The following NPAS3 variants were observed in gnomAD, a reference collection of about 807,000 sequenced individuals.
NPAS3 encodes neuronal PAS domain protein 3.
A neutral mutation model predicts 73.1 loss-of-function variants in NPAS3; 14 were observed. That is an observed-to-expected ratio of 0.19 (90% CI 0.13 to 0.30). The LOEUF is 0.30. Among genes scored for constraint, NPAS3 ranks in the 10% least tolerant of loss-of-function variants. The pLI is 1.00. For synonymous variants in NPAS3, 620 were observed against 541.5 expected, an observed-to-expected ratio of 1.14 and a Z score of -2.01; for missense variants, 1,096 against 1,250.0, an observed-to-expected ratio of 0.88 and a Z score of 1.86.
chr14:33,801,215 T>C (rs149071153), downstream of NPAS3: 136 of 1,495,722 alleles, frequency 9.1e-5, no homozygotes, highest in African/African-American at 1.8e-3. Context: ...CAGGTCAGCG[T>C]CTTCTCTCGC....
At chr14:33,215,306 G>A (rs868559905) in exon 3 of NPAS3, 7 of 1,566,966 alleles carry the variant, frequency 4.5e-6, no homozygotes, top group Non-Finnish European at 5.3e-6. Context: ...CAGCCAGCTC[G>A]ACAAGGCATC....
intron 6 of NPAS3, among the ~76,000 whole-genome samples, chr14:33,727,041 C>G (rs1200862754): frequency 6.6e-6 from 1 of 152,112 alleles, no homozygotes; most frequent in Non-Finnish European, 1.5e-5. Flanking sequence ...AGGCAGAATG[C>G]ATGTGTGTGT....
intron 4 of NPAS3, among the ~76,000 whole-genome samples, chr14:33,451,685 A>G (rs897983287): frequency 6.6e-6 from 1 of 152,142 alleles, no homozygotes. Context: ...ATGGATTTAC[A>G]AGCACTGTAA....
chr14:33,267,095 G>GCTTTTAAAAAT (rs2040853284), intron 3 of NPAS3, among the ~76,000 whole-genome samples: 1 of 152,106 alleles, frequency 6.6e-6, no homozygotes, highest in South Asian at 2.1e-4. Context: ...TTGCCCAAAG[G>GCTTTTAAAAAT]CTTTTAAAAA....
chr14:33,083,722 G>A (rs2041935572), intron 2 of NPAS3, among the ~76,000 whole-genome samples: 2 of 152,194 alleles, frequency 1.3e-5, no homozygotes, highest in Admixed American at 6.5e-5. Flanking sequence ...AGGGTATCCA[G>A]TTTTACTCTA....
chr14:33,242,992 TA>T (rs1443006544), intron 3 of NPAS3, among the ~76,000 whole-genome samples: 1 of 152,152 alleles, frequency 6.6e-6, no homozygotes, highest in Non-Finnish European at 1.5e-5. Context: ...ACATTTTTAT[TA>T]AAATTCTGGC....
intron 3 of NPAS3, among the ~76,000 whole-genome samples, chr14:33,327,980 C>A (rs927446276): frequency 6.6e-6 from 1 of 152,134 alleles, no homozygotes. Flanking sequence ...ATTGTAAAAC[C>A]ATCTCTGGGA....
At chr14:33,462,780 C>T (rs1017811355) in intron 4 of NPAS3, among the ~76,000 whole-genome samples, 2 of 152,178 alleles carry the variant, frequency 1.3e-5, no homozygotes, top group African/African-American at 4.8e-5. Flanking sequence ...CCTAGCTCTA[C>T]ACACCACCAG....
intron 3 of NPAS3, among the ~76,000 whole-genome samples, chr14:33,233,775 A>G (rs1007789133): frequency 6.6e-6 from 1 of 152,112 alleles, no homozygotes; most frequent in African/African-American, 2.4e-5. Context: ...CAGTATTCGT[A>G]CTTGAGGAGT....
chr14:33,525,148 G>A (rs1300509391), intron 4 of NPAS3, among the ~76,000 whole-genome samples: 1 of 152,050 alleles, frequency 6.6e-6, no homozygotes, highest in African/African-American at 2.4e-5. Flanking sequence ...TCTAAAAAAG[G>A]GGATAAGTAT....
intron 5 of NPAS3, among the ~76,000 whole-genome samples, chr14:33,670,624 C>CA (rs755412371): frequency 0.14 from 19,384 of 134,614 alleles, 1,498 homozygotes; most frequent in East Asian, 0.39. Flanking sequence ...GACCCCCCCT[C>CA]AAAAAAAAAA....
chr14:33,557,310 C>T (rs986731765), intron 4 of NPAS3, among the ~76,000 whole-genome samples: 7 of 152,114 alleles, frequency 4.6e-5, no homozygotes, highest in African/African-American at 7.2e-5. Context: ...GGAAATATTT[C>T]GCAGCAAAGG....
chr14:33,427,829 T>C (rs1331001352), intron 4 of NPAS3, among the ~76,000 whole-genome samples: 2 of 152,120 alleles, frequency 1.3e-5, no homozygotes, highest in African/African-American at 2.4e-5. Context: ...AATATTCTTA[T>C]ATAAATTCTC....
Position 33,212,160 on chromosome 14 carries a change from G to A in NPAS3, c.141-3022G>A, listed in dbSNP as rs1355827572. Among the ~76,000 whole-genome samples the A allele has an allele frequency of 7.2e-5, 11 of 152,324 alleles. No individual in the cohort carries two copies. In the East Asian group the frequency reaches 2.1e-3, roughly 29 times the overall value. On this transcript the variant is annotated intron_variant, in intron 2 of 11. Coordinates refer to ENST00000356141, the Ensembl canonical transcript of NPAS3. ...GTGAAAGATTAATGCACAATCTAGA[G>A]TGTCATTGTCTTAAGGTCTTTGTCT...
At chr14:33,053,193 T>C (rs1284682089) in intron 1 of NPAS3, among the ~76,000 whole-genome samples, 1 of 152,178 alleles carries the variant, frequency 6.6e-6, no homozygotes, top group Admixed American at 6.5e-5. Context: ...CCCCTGTTAT[T>C]TGACCAGATG....
chr14:33,589,084 C>G (rs1156352517), intron 5 of NPAS3, among the ~76,000 whole-genome samples: 1 of 152,150 alleles, frequency 6.6e-6, no homozygotes, highest in Non-Finnish European at 1.5e-5. Context: ...TTGTCCTCAT[C>G]CCCCAAAAAT....
intron 3 of NPAS3, among the ~76,000 whole-genome samples, chr14:33,366,345 C>T (rs2045843261): frequency 6.6e-6 from 1 of 151,598 alleles, no homozygotes; most frequent in Non-Finnish European, 1.5e-5. Context: ...AAATCATAAA[C>T]AGATGACACT....
chr14:33,542,482 G>C (rs2054567384), intron 4 of NPAS3, among the ~76,000 whole-genome samples: 1 of 152,202 alleles, frequency 6.6e-6, no homozygotes, highest in Admixed American at 6.5e-5. Flanking sequence ...CAGGTTCAGG[G>C]ATGCAGTCCT....
chr14:33,679,890 G>A (rs573476123), intron 6 of NPAS3, among the ~76,000 whole-genome samples: 95 of 152,296 alleles, frequency 6.2e-4, no homozygotes, highest in Non-Finnish European at 1.2e-3. Flanking sequence ...TATTTTATAT[G>A]TATGCACATT....
Sources: gnomAD v4.1 joint callset for allele counts (sites outside exome capture counted in the v4.1 genomes callset) on GRCh38, gnomAD v4.1.1 for gene constraint, MANE v1.5 for transcripts, NCBI Gene and HGNC (gene_info 2026-07-23, HGNC 2026-07-21) for gene names.